The following AKR1C8 variants were observed in gnomAD, a reference collection of about 807,000 sequenced individuals.
AKR1C8 encodes the protein aldo-keto reductase family 1 member C8, also known as aldo-keto reductase family 1 member C-like protein 1.
the AKR1C8 span, among the ~76,000 whole-genome samples, chr10:5,136,675 T>A: frequency 6.6e-6 from 1 of 152,200 alleles, no homozygotes; most frequent in Non-Finnish European, 1.5e-5. Context: ...ATGGCTTAAA[T>A]TTCCACATCA....
chr10:5,126,603 C>T, the AKR1C8 span, among the ~76,000 whole-genome samples: 5 of 151,862 alleles, frequency 3.3e-5, no homozygotes, highest in African/African-American at 9.7e-5. Flanking sequence ...GGGTGGTATC[C>T]CTGGGTAGGG....
At chr10:5,141,971 GC>G in the AKR1C8 span, among the ~76,000 whole-genome samples, 10 of 152,026 alleles carry the variant, frequency 6.6e-5, no homozygotes. Context: ...GTCCTAGATG[GC>G]ACCTTTTTTG....
the AKR1C8 span, among the ~76,000 whole-genome samples, chr10:5,121,158 A>G: frequency 2.0e-5 from 3 of 151,766 alleles, no homozygotes; most frequent in African/African-American, 7.3e-5. Context: ...CTATTTCTAC[A>G]CTCCCCTCCA....
the AKR1C8 span, among the ~76,000 whole-genome samples, chr10:5,168,693 A>T: frequency 6.6e-6 from 1 of 152,168 alleles, no homozygotes; most frequent in Non-Finnish European, 1.5e-5. Flanking sequence ...AGATGAAAAC[A>T]TGTCTCCTGT....
the AKR1C8 span, among the ~76,000 whole-genome samples, chr10:5,165,246 C>A: frequency 6.6e-6 from 1 of 152,094 alleles, no homozygotes; most frequent in Non-Finnish European, 1.5e-5. Flanking sequence ...TTAACAGTTT[C>A]TTTATGAAGC....
At chr10:5,128,103 T>C in the AKR1C8 span, among the ~76,000 whole-genome samples, 2 of 152,120 alleles carry the variant, frequency 1.3e-5, no homozygotes, top group Non-Finnish European at 2.9e-5. Flanking sequence ...CCTCACAAAC[T>C]AGGAGGGATT....
chr10:5,122,385 A>C, the AKR1C8 span, among the ~76,000 whole-genome samples: 1 of 152,208 alleles, frequency 6.6e-6, no homozygotes, highest in East Asian at 1.9e-4. Flanking sequence ...TCTCAAAAGA[A>C]AGATGTGCAC....
At chr10:5,168,387 T>C in the AKR1C8 span, among the ~76,000 whole-genome samples, 97 of 152,148 alleles carry the variant, frequency 6.4e-4, 1 homozygote, top group South Asian at 0.019. Flanking sequence ...TCTTGTCACA[T>C]AGTCATCAAT....
the AKR1C8 span, among the ~76,000 whole-genome samples, chr10:5,130,217 C>T: frequency 6.6e-6 from 1 of 151,760 alleles, no homozygotes; most frequent in African/African-American, 2.4e-5. Context: ...GTAAAATCCG[C>T]CATTGCTTTA....
At chr10:5,175,092 A>G in the AKR1C8 span, among the ~76,000 whole-genome samples, 2 of 150,764 alleles carry the variant, frequency 1.3e-5, no homozygotes, top group Non-Finnish European at 3.0e-5. Context: ...AGCATTAGGT[A>G]TATCTCCTAA....
the AKR1C8 span, among the ~76,000 whole-genome samples, chr10:5,180,610 T>C: frequency 1.3e-5 from 2 of 152,232 alleles, no homozygotes; most frequent in Non-Finnish European, 2.9e-5. Flanking sequence ...CAGGCCTCCT[T>C]GAGCTGTGGT....
At chr10:5,172,511 T>C in the AKR1C8 span, among the ~76,000 whole-genome samples, 4 of 152,088 alleles carry the variant, frequency 2.6e-5, no homozygotes, top group African/African-American at 9.7e-5. Context: ...GCTATCTTCA[T>C]TAAACTAATA....
the AKR1C8 span, among the ~76,000 whole-genome samples, chr10:5,138,947 C>A: frequency 1.6e-4 from 24 of 152,284 alleles, 1 homozygote; most frequent in East Asian, 4.4e-3. Flanking sequence ...AGCTGATAAG[C>A]AACTTCAGCA....
chr10:5,147,896 C>T, the AKR1C8 span, among the ~76,000 whole-genome samples: 1 of 152,202 alleles, frequency 6.6e-6, no homozygotes, highest in Admixed American at 6.5e-5. Flanking sequence ...TCTGATCCCA[C>T]ATTTCTGCTT....
chr10:5,163,070 C>T, the AKR1C8 span: 2 of 475,674 alleles, frequency 4.2e-6, no homozygotes, highest in African/African-American at 2.0e-5. Flanking sequence ...CAAAGAAAAT[C>T]AATGCATTTC....
chr10:5,182,152 C>G, the AKR1C8 span, among the ~76,000 whole-genome samples: 2 of 152,122 alleles, frequency 1.3e-5, no homozygotes, highest in East Asian at 1.9e-4. Flanking sequence ...TTATTTATCT[C>G]TACCTGGTTC....
chr10:5,145,080 AG>A, the AKR1C8 span, among the ~76,000 whole-genome samples: 7 of 151,998 alleles, frequency 4.6e-5, no homozygotes, highest in East Asian at 1.9e-4. Context: ...TTTAGCATGA[AG>A]GGTTGTTGAA....
At chr10:5,178,420 T>C in the AKR1C8 span, among the ~76,000 whole-genome samples, 2 of 152,222 alleles carry the variant, frequency 1.3e-5, no homozygotes, top group Non-Finnish European at 2.9e-5. Context: ...AATTTTGGAA[T>C]AGGTGTGGTG....
At chr10:5,182,823 C>T in the AKR1C8 span, among the ~76,000 whole-genome samples, 3 of 151,794 alleles carry the variant, frequency 2.0e-5, no homozygotes, top group African/African-American at 7.2e-5. Context: ...GGTAGGAGAA[C>T]TGCTTGAACC....
Sources: allele counts gnomAD v4.1 joint callset (sites outside exome capture counted in the v4.1 genomes callset), GRCh38; gene constraint gnomAD v4.1.1; transcripts MANE v1.5; gene names NCBI Gene and HGNC (gene_info 2026-07-23, HGNC 2026-07-21).